The following PARD3B variants were observed in gnomAD, a reference collection of about 807,000 sequenced individuals.
PARD3B encodes par-3 family cell polarity regulator beta.
A neutral mutation model predicts 130.2 loss-of-function variants in PARD3B; 103 were observed. The ratio of observed to expected loss-of-function variants is 0.79; its 90% CI spans 0.67 to 0.93. The LOEUF (loss-of-function observed/expected upper bound fraction) is 0.93. Among genes scored for constraint, PARD3B ranks in the 40% least tolerant of loss-of-function variants. The pLI is 0.00. For synonymous variants in PARD3B, 583 were observed against 553.2 expected (o/e 1.05, Z -0.76); for missense variants, 1,609 against 1,499.2 (o/e 1.07, Z -1.21).
In PARD3B at chr2:204,778,922, T is replaced by C. The variant is rs148238110; in HGVS notation, c.222+92640T>C. Among the ~76,000 whole-genome samples, 595 of 152,240 alleles carry C rather than the reference T, an allele frequency of 3.9e-3. 9 individuals carry two copies. The highest frequency in any genetic ancestry group is 7.5e-3 in the East Asian group (39 of 5,170). ...GTTCTTATTGCTCTTAAGATGAAGATCAAAATCTTTACCATGGCCTACAAA... is the reference window on the plus strand; with the variant it reads ...GTTCTTATTGCTCTTAAGATGAAGACCAAAATCTTTACCATGGCCTACAAA... On this transcript the variant is annotated intron_variant, in intron 2 of 22. Transcript: ENST00000406610.
chr2:204,629,208 A>G (rs921015105), intron 1 of PARD3B, among the ~76,000 whole-genome samples: 1 of 152,206 alleles, frequency 6.6e-6, no homozygotes, highest in Non-Finnish European at 1.5e-5. Context: ...TTGAAATCCT[A>G]TAGAAACTTT....
intron 2 of PARD3B, among the ~76,000 whole-genome samples, chr2:204,855,599 T>C (rs577097521): frequency 6.6e-6 from 1 of 150,962 alleles, no homozygotes; most frequent in East Asian, 1.9e-4. Flanking sequence ...TATAATACAT[T>C]ATTACTAACT....
intron 3 of PARD3B, among the ~76,000 whole-genome samples, chr2:204,990,290 C>T (rs370214069): frequency 6.6e-6 from 1 of 150,754 alleles, no homozygotes; most frequent in East Asian, 1.9e-4. Flanking sequence ...AATAATTGTA[C>T]GTATTTTTGG....
At chr2:204,795,395 C>T (rs2042335075) in intron 2 of PARD3B, among the ~76,000 whole-genome samples, 1 of 152,042 alleles carries the variant, frequency 6.6e-6, no homozygotes, top group Admixed American at 6.6e-5. Context: ...CCATGGTTTG[C>T]CAAGGGTGGA....
At chr2:205,400,502 A>G (rs1269796241) in intron 18 of PARD3B, among the ~76,000 whole-genome samples, 2 of 152,164 alleles carry the variant, frequency 1.3e-5, no homozygotes, top group Admixed American at 6.5e-5. Context: ...TTAGCTGGGC[A>G]TGGTGGTGTG....
intron 2 of PARD3B, among the ~76,000 whole-genome samples, chr2:204,793,837 C>CT (rs1243268803): frequency 6.6e-6 from 1 of 152,100 alleles, no homozygotes; most frequent in East Asian, 1.9e-4. Flanking sequence ...TAAATGCCCT[C>CT]TTATTTCCTT....
chr2:205,238,849 A>AATATATATAT (rs66692400), intron 15 of PARD3B, among the ~76,000 whole-genome samples: 5 of 76,902 alleles, frequency 6.5e-5, no homozygotes, highest in Non-Finnish European at 9.2e-5. Flanking sequence ...AAAAAAAAAA[A>AATATATATAT]ATATATATAT....
At chr2:204,632,745 G>T (rs1412567374) in intron 1 of PARD3B, among the ~76,000 whole-genome samples, 2 of 152,196 alleles carry the variant, frequency 1.3e-5, no homozygotes, top group African/African-American at 2.4e-5. Flanking sequence ...CACTGCTTCT[G>T]TTGGCTGGGT....
At chr2:204,844,857 C>T (rs1032641134) in intron 2 of PARD3B, among the ~76,000 whole-genome samples, 1 of 151,986 alleles carries the variant, frequency 6.6e-6, no homozygotes, top group African/African-American at 2.4e-5. Context: ...TTGACTTTCT[C>T]CTTTCATATA....
chr2:204,707,903 G>A (rs1363575056), intron 2 of PARD3B, among the ~76,000 whole-genome samples: 1 of 152,100 alleles, frequency 6.6e-6, no homozygotes, highest in African/African-American at 2.4e-5. Flanking sequence ...AGATTGTGGA[G>A]CTCTACCCAG....
At chr2:205,556,394 A>G (rs977628707) in intron 22 of PARD3B, among the ~76,000 whole-genome samples, 1 of 152,176 alleles carries the variant, frequency 6.6e-6, no homozygotes, top group African/African-American at 2.4e-5. Flanking sequence ...GGAGTAGGTG[A>G]GGAGCTCTGG....
In PARD3B at chr2:205,440,378, C is replaced by A. The variant is rs763328774; in HGVS notation, c.2750C>A (p.Ala917Glu). The change falls in exon 20 of 23, where the codon GCA (alanine) becomes GAA (glutamate). Residue 917 changes from alanine to glutamate, a missense_variant. Coordinates refer to ENST00000406610, the MANE Select transcript of PARD3B (RefSeq NM_001302769.2). The surrounding 1 kb of genome is among the most constrained non-coding windows in gnomAD (Gnocchi z 4.2). Reference sequence around the variant, plus strand: ...TGTACTGTATTTTTCAGGATTGGAGCAAAACATCAGGAGCTAAGGGAAAAG... The same window carrying A: ...TGTACTGTATTTTTCAGGATTGGAGAAAAACATCAGGAGCTAAGGGAAAAG... ...KMKEERERIGAKHQELREKQA... is the reference protein window; with the variant it reads ...KMKEERERIGEKHQELREKQA... 3.1e-6 allele frequency: 5 copies of A among 1,613,598 alleles called. No homozygotes were observed. The highest frequency in any genetic ancestry group is 1.7e-5 in the Admixed American group (1 of 59,986).
intron 22 of PARD3B, among the ~76,000 whole-genome samples, chr2:205,557,385 C>A (rs1479222376): frequency 1.3e-5 from 2 of 152,226 alleles, no homozygotes; most frequent in Admixed American, 1.3e-4. Context: ...CAAGCCCAGT[C>A]TCTGGAGGTG....
rs775487298 is a variant in PARD3B at position 205,113,512 on chromosome 2, G to T, written c.615G>T (p.Glu205Asp). 2 of 1,613,278 alleles carry T rather than the reference G, an allele frequency of 1.2e-6. No individual in the cohort carries two copies. The highest frequency in any genetic ancestry group is 3.3e-5 in the Admixed American group (2 of 59,932). The change falls in exon 6 of 23, where the codon GAG becomes GAT. Residue 205 changes from glutamate (E) to aspartate (D), a missense_variant. By Grantham distance (45) the Glu-to-Asp change is conservative (BLOSUM62 2). Coordinates refer to ENST00000406610, the MANE Select transcript of PARD3B (RefSeq NM_001302769.2). The part of the protein sequence containing the change: ...DTLSDMTRTV[E>D]ISGEGGPLGI... ...CCAGTGATATGACAAGAACAGTGGA[G>T]ATTTCTGGGGAAGGAGGCCCATTGG... is the stretch of plus-strand genomic sequence containing the variant.
At chr2:205,070,074 T>C (rs1008310516) in intron 4 of PARD3B, among the ~76,000 whole-genome samples, 1 of 152,100 alleles carries the variant, frequency 6.6e-6, no homozygotes, top group African/African-American at 2.4e-5. Context: ...CTTCTTCCTG[T>C]CTCCTGGCTT....
chr2:205,288,613 T>C lies in PARD3B; in HGVS notation c.2186-11917T>C, dbSNP rs1428531097. On this transcript the variant is annotated intron_variant, in intron 16 of 22. Coordinates refer to ENST00000406610, the MANE Select transcript of PARD3B (RefSeq NM_001302769.2). This position sits in a 1 kb window ranked among gnomAD's most constrained non-coding sequence, Gnocchi z 4.0. ...TTCAAAGCCCTTCATGCCTTTACTTTATCCTTTCTACTCATGTTTATTTCC... is the reference window on the plus strand; with the variant it reads ...TTCAAAGCCCTTCATGCCTTTACTTCATCCTTTCTACTCATGTTTATTTCC... Among the ~76,000 whole-genome samples, 1 of 152,212 alleles carries C rather than the reference T, an allele frequency of 6.6e-6. No homozygotes were observed.
chr2:204,826,098 G>A (rs2043560513), intron 2 of PARD3B, among the ~76,000 whole-genome samples: 1 of 152,064 alleles, frequency 6.6e-6, no homozygotes, highest in African/African-American at 2.4e-5. Context: ...TAATTTGAGA[G>A]GAAAAGAGGG....
intron 21 of PARD3B, among the ~76,000 whole-genome samples, chr2:205,542,348 TTGTGTTTGTG>T (rs2052188388): frequency 4.0e-5 from 3 of 75,204 alleles, no homozygotes; most frequent in African/African-American, 1.5e-4. Flanking sequence ...ATTCAGTAGT[TTGTGTTTGTG>T]TGTGTGTGTG....
At chr2:204,688,187 A>G (rs73984269) in intron 2 of PARD3B, among the ~76,000 whole-genome samples, 3,000 of 152,246 alleles carry the variant, frequency 0.02, 103 homozygotes, top group African/African-American at 0.068. Flanking sequence ...ATGTACTTCA[A>G]TATTTCTACA....
Sources: allele counts gnomAD v4.1 joint callset (sites outside exome capture counted in the v4.1 genomes callset), GRCh38; gene constraint gnomAD v4.1.1; non-coding constraint Gnocchi (gnomAD v3.1); transcripts MANE v1.5; gene names NCBI Gene and HGNC (gene_info 2026-07-23, HGNC 2026-07-21).